Variants in SMARCA1 observed in about 807,000 individuals in gnomAD.
The protein encoded by SMARCA1 is SNF2 related chromatin remodeling ATPase 1.
In SMARCA1, 17 loss-of-function variants were observed where a neutral mutation model predicts 93.6. The observed-to-expected ratio is 0.18, with a 90% CI of 0.12 to 0.27. The LOEUF (loss-of-function observed/expected upper bound fraction) is 0.27. Ranked by LOEUF, SMARCA1 falls within the 10% of genes least tolerant of loss-of-function variation. The probability of loss-of-function intolerance (pLI) is 1.00; values close to 1 mark genes in which losing one functional copy is unlikely to be tolerated. For synonymous variants in SMARCA1, 271 were observed against 271.4 expected (o/e 1.00, Z 0.01); for missense variants, 630 against 819.0 (o/e 0.77, Z 2.82).
Position 129,496,992 on chromosome X carries a change from C to CACACGT in SMARCA1, c.1505-127_1505-122dup, listed in dbSNP as rs1317626612. 1.0e-5 allele frequency: 5 copies of CACACGT among 485,127 alleles called. No homozygotes were observed. In the Admixed American group the frequency reaches 1.7e-4, roughly 17 times the overall value. 40.0% of individuals were successfully genotyped at this position (485,127 alleles called of 1,213,427 possible). On this transcript the variant is annotated intron_variant, in intron 11 of 24. Transcript: ENST00000371121. ...CATGAACACTCCACTAACGCACACA[C>CACACGT]ACACGTGCACACACACACACACACA...
intron 2 of SMARCA1, among the ~76,000 whole-genome samples, chrX:129,517,581 AG>A (rs1289970142): frequency 7.2e-5 from 8 of 111,144 alleles, no homozygotes; most frequent in Non-Finnish European, 1.3e-4. Context: ...TACCTACATT[AG>A]ATGTGGCCTT....
chrX:129,494,255 A>C (rs1185935206), intron 12 of SMARCA1, among the ~76,000 whole-genome samples: 3 of 111,738 alleles, frequency 2.7e-5, no homozygotes, highest in Non-Finnish European at 5.6e-5. Flanking sequence ...CCTAGGAAGA[A>C]GGATCATCCT....
intron 21 of SMARCA1, among the ~76,000 whole-genome samples, chrX:129,466,984 C>A (rs912938910): frequency 1.8e-5 from 2 of 111,716 alleles, no homozygotes; most frequent in Admixed American, 9.5e-5. Flanking sequence ...CTTTTAATGA[C>A]ATACTCCACA....
In SMARCA1 at chrX:129,481,258, G is replaced by A. The variant is rs868515084; in HGVS notation, c.2218-73C>T. 8.6e-5 allele frequency: 55 copies of A among 637,056 alleles called. No individual in the cohort carries two copies. In the Middle Eastern group the frequency reaches 1.5e-3, roughly 17 times the overall value. The allele number at this position is 637,056 out of a possible 1,213,427, so 52.5% of individuals were successfully genotyped here. ...GTTTTATCAAAATCAAGTACATCGA[G>A]GCTGCAGAAACATAAGGAAGCAAAA... On this transcript the variant is annotated intron_variant, in intron 17 of 24. Transcript: ENST00000371121.
rs753349888 is a variant in SMARCA1, at chrX:129,489,044, C to T, written c.1990G>A (p.Glu664Lys). 3.4e-6 allele frequency: 4 copies of T among 1,190,594 alleles called. No individual in the cohort carries two copies. In the African/African-American group the frequency reaches 7.0e-5, roughly 21 times the overall value. Residue 664 changes from glutamate to lysine, a missense_variant, in exon 16 of 25, where the codon GAA (glutamate) becomes AAA (lysine). Glu to Lys is a moderately conservative substitution (Grantham distance 56). Around this residue, in one of 4 missense-constraint regions of SMARCA1, gnomAD observed 382 missense variants for 537.9 expected, o/e 0.71. Coordinates refer to ENST00000371121, the MANE Select transcript of SMARCA1 (RefSeq NM_001282874.2). ...CCATGCCGTATCATTTGTAACATTTCCTCTTTTGCCAGCTTGTTAGACTGT... is the reference window on the plus strand; with the variant it reads ...CCATGCCGTATCATTTGTAACATTTTCTCTTTTGCCAGCTTGTTAGACTGT... ...DQQSNKLAKE[E>K]MLQMIRHGAT... is the part of the protein sequence containing the mutation.
intron 20 of SMARCA1, 44 bp downstream of exon 20, chrX:129,471,160 C>T: frequency 9.2e-7 from 1 of 1,083,427 alleles, no homozygotes; most frequent in African/African-American, 1.9e-5. Flanking sequence ...TTCTTTTTTT[C>T]TATTGATTGA....
At chrX:129,502,669 C>T (rs867349422) in intron 9 of SMARCA1, among the ~76,000 whole-genome samples, 33 of 110,978 alleles carry the variant, frequency 3.0e-4, no homozygotes, top group African/African-American at 1.0e-3. Context: ...GGGAAGAAAA[C>T]GGAATCACAG....
At chrX:129,515,609 C>A (rs750757366) in intron 5 of SMARCA1, 78 bp downstream of exon 5, 1 of 641,959 alleles carries the variant, frequency 1.6e-6, no homozygotes, top group Non-Finnish European at 2.6e-6. Context: ...ATCAGGGGGG[C>A]AGGTAAGCTC....
Position 129,480,689 on chromosome X carries a change from T to C in SMARCA1, c.2442+12A>G, listed in dbSNP as rs760133478. On this transcript the variant is annotated intron_variant, in intron 19 of 24. Coordinates refer to ENST00000371121, the MANE Select transcript of SMARCA1 (RefSeq NM_001282874.2). ...ATTATATTATATTAATCTTAAAAAA[T>C]GGAAAAAATACCTTATAGCCTATTG... 5.9e-6 allele frequency: 5 copies of C among 851,345 alleles called. No individual in the cohort carries two copies. Among genetic ancestry groups the C allele is most frequent in the East Asian group, 3.7e-5 (1 of 27,024 alleles). The allele number at this position is 851,345 out of a possible 1,213,427, so 70.2% of individuals were successfully genotyped here.
chrX:129,503,419 G>A (rs962060982), intron 9 of SMARCA1, among the ~76,000 whole-genome samples: 1 of 111,975 alleles, frequency 8.9e-6, no homozygotes, highest in Non-Finnish European at 1.9e-5. Flanking sequence ...TCCAGGTTAC[G>A]GTTTTTAGGC....
At chrX:129,482,931 G>T (rs1404947826) in intron 17 of SMARCA1, among the ~76,000 whole-genome samples, 1 of 111,598 alleles carries the variant, frequency 9.0e-6, no homozygotes, top group Non-Finnish European at 1.9e-5. Context: ...TTTAAGAGTG[G>T]ATAATAAACC....
At chrX:129,456,623 T>A (rs1348108654) in intron 23 of SMARCA1, among the ~76,000 whole-genome samples, 1 of 111,536 alleles carries the variant, frequency 9.0e-6, no homozygotes, top group East Asian at 2.8e-4. Flanking sequence ...TTAACAAGAG[T>A]TTAGAAGAAG....
At chrX:129,453,311 C>T (rs1932405231) in intron 23 of SMARCA1, among the ~76,000 whole-genome samples, 1 of 111,310 alleles carries the variant, frequency 9.0e-6, no homozygotes, top group Non-Finnish European at 1.9e-5. Flanking sequence ...GTTGTGAATG[C>T]AAAGGAAACA....
At chrX:129,464,413 TA>T (rs1932859740) in intron 23 of SMARCA1, among the ~76,000 whole-genome samples, 1 of 112,547 alleles carries the variant, frequency 8.9e-6, no homozygotes, top group African/African-American at 3.2e-5. Flanking sequence ...TTAGGCTGCA[TA>T]AATCTATTTT....
intron 23 of SMARCA1, among the ~76,000 whole-genome samples, chrX:129,459,295 T>C (rs1400183067): frequency 9.0e-6 from 1 of 111,575 alleles, no homozygotes; most frequent in Admixed American, 9.5e-5. Flanking sequence ...GACACATGCC[T>C]GTAGTCCCAC....
chrX:129,501,939 A>T (rs1602713621), intron 9 of SMARCA1, among the ~76,000 whole-genome samples: 1 of 111,873 alleles, frequency 8.9e-6, no homozygotes, highest in African/African-American at 3.2e-5. Flanking sequence ...GGATAATGAT[A>T]CCTATTTCCA....
chrX:129,495,413 T>A (rs1168343026), intron 12 of SMARCA1, among the ~76,000 whole-genome samples: 3 of 112,348 alleles, frequency 2.7e-5, no homozygotes, highest in African/African-American at 9.7e-5. Context: ...TGAAGTGCAG[T>A]GGCACAATCA....
intron 12 of SMARCA1, among the ~76,000 whole-genome samples, chrX:129,494,304 G>A (rs2124285669): frequency 9.0e-6 from 1 of 111,559 alleles, no homozygotes; most frequent in South Asian, 3.8e-4. Context: ...TGGATTCAGG[G>A]AAACCAATCC....
Position 129,448,430 on chromosome X carries a change from C to T in SMARCA1, c.3044G>A (p.Arg1015His). 3 of 1,191,636 alleles carry T rather than the reference C, an allele frequency of 2.5e-6. No individual in the cohort carries two copies. Among genetic ancestry groups the T allele is most frequent in the Non-Finnish European group, 3.4e-6 (3 of 882,425 alleles). Residue 1015 changes from arginine (R) to histidine (H), a missense_variant, in exon 24 of 25, where the codon CGC becomes CAC. Arg to His is a conservative substitution (Grantham distance 29). This residue lies in a region of SMARCA1 where 93 missense variants were observed against 160.8 expected (regional missense o/e 0.58). Coordinates refer to ENST00000371121, the MANE Select transcript of SMARCA1 (RefSeq NM_001282874.2). ...KSRTAMEFQRRCNTLISLIEK... is the reference protein window; with the variant it reads ...KSRTAMEFQRHCNTLISLIEK... ...AATCAATGAAATCAGAGTGTTACAGCGTCTCTGGAATTCCTAAATGAAGTA... is the reference window on the plus strand; with the variant it reads ...AATCAATGAAATCAGAGTGTTACAGTGTCTCTGGAATTCCTAAATGAAGTA...
Sources: allele counts gnomAD v4.1 joint callset (sites outside exome capture counted in the v4.1 genomes callset), GRCh38; gene constraint gnomAD v4.1.1; regional missense constraint gnomAD v4.1.1; transcripts MANE v1.5; gene names NCBI Gene and HGNC (gene_info 2026-07-23, HGNC 2026-07-21).